COL1A2: variants seen among roughly 807,000 people sequenced by gnomAD.
COL1A2 encodes the protein collagen type I alpha 2 chain.
A neutral mutation model predicts 174.3 loss-of-function variants in COL1A2; 49 were observed. That is an observed-to-expected ratio of 0.28 (90% CI 0.22 to 0.36). COL1A2 has a LOEUF of 0.36. Ranked by LOEUF, COL1A2 falls within the 10% of genes least tolerant of loss-of-function variation. COL1A2 has a pLI of 1.00. For missense variants in COL1A2, 1,438 were observed against 1,822.7 expected (o/e 0.79, Z 3.84); for synonymous variants, 655 against 606.6 (o/e 1.08, Z -1.17).
rs888892254 is a variant in COL1A2 at position 94,429,116 on chromosome 7, T to C, written c.3712-72T>C. 1.9e-5 allele frequency: 23 copies of C among 1,220,544 alleles called. No individual in the cohort carries two copies. The African/African-American group carries it at 2.7e-4, about 15-fold the overall frequency. 75.6% of individuals were successfully genotyped at this position (1,220,544 alleles called of 1,614,324 possible). On this transcript the variant is annotated intron_variant, in intron 50 of 51. Transcript: ENST00000297268. ...CTGAGATCTTTTTTTTTCTTTTTTT[T>C]TTTTTTCATGTTTGACTCTTAGTAT...
Position 94,430,282 on chromosome 7 carries a change from A to C in COL1A2, c.3990A>C (p.Glu1330Asp). ...KTNEWGKTII[E>D]YKTNKPSRLP... ...ATGAATGGGGAAAGACAATCATTGA[A>C]TACAAAACAAATAAGCCATCACGCC... The change falls in exon 52 of 52, where the codon GAA (glutamate) becomes GAC (aspartate). Residue 1330 changes from glutamate (E) to aspartate (D), a missense_variant. This residue lies in a region of COL1A2 where 290 missense variants were observed against 298.1 expected (regional missense o/e 0.97). Transcript: ENST00000297268. 6.2e-7 allele frequency: 1 copy of C among 1,614,112 alleles called. No homozygotes were observed. Among genetic ancestry groups the C allele is most frequent in the East Asian group, 2.2e-5 (1 of 44,876 alleles).
rs1232059739 is a variant in COL1A2, at chr7:94,430,029, GT to G, written c.3955-215del. 8 of 561,342 alleles carry G rather than the reference GT, an allele frequency of 1.4e-5. No homozygotes were observed. The Admixed American group carries it at 1.8e-4, about 13-fold the overall frequency. 34.8% of individuals were successfully genotyped at this position (561,342 alleles called of 1,614,324 possible). On this transcript the variant is annotated intron_variant, in intron 51 of 51. Transcript: ENST00000297268. ...TGTTGAAATGTTGTTGGTTTTTTTG[GT>G]TTGTTTGTTTGTTTGTTTTTTGTTA... is the stretch of plus-strand genomic sequence containing the variant.
In COL1A2 at chr7:94,420,431, T is replaced by G. The variant is rs1180011225; in HGVS notation, c.2174T>G (p.Phe725Cys). The change falls in exon 36 of 52, where the codon TTT (phenylalanine) becomes TGT (cysteine). Residue 725 changes from phenylalanine (F) to cysteine (C), a missense_variant. Around this residue, in one of 3 missense-constraint regions of COL1A2, gnomAD observed 867 missense variants for 1,213.7 expected, o/e 0.71. Coordinates refer to ENST00000297268, the MANE Select transcript of COL1A2 (RefSeq NM_000089.4). ...GEVGPAGPNGFAGPAGAAGQP... is the reference protein window; with the variant it reads ...GEVGPAGPNGCAGPAGAAGQP... The stretch of plus-strand genomic sequence containing the variant: ...GTCGGTCCTGCTGGCCCCAATGGAT[T>G]TGCTGGTCCTGCTGTGAGTATCACA... 6.2e-7 allele frequency: 1 copy of G among 1,614,058 alleles called. No homozygotes were observed. Among genetic ancestry groups the G allele is most frequent in the Admixed American group, 1.7e-5 (1 of 60,016 alleles).
intron 16 of COL1A2, 83 bp from the exon 17 acceptor site, chr7:94,409,239 T>TGTC: frequency 1.7e-6 from 2 of 1,202,674 alleles, no homozygotes; most frequent in Non-Finnish European, 2.5e-6. Context: ...TATGAAGACA[T>TGTC]TTCATAAAAC....
In COL1A2 at chr7:94,430,607, ATT is replaced by A. The variant is rs575420078; in HGVS notation, c.*222_*223del. ...TTCCCCCGCTCCCCCAAAAATTTGA[ATT>A]TTTTTTTCAACACTCTTACACCTGT... On this transcript the variant is annotated 3_prime_UTR_variant, in exon 52 of 52. Coordinates refer to ENST00000297268, the MANE Select transcript of COL1A2 (RefSeq NM_000089.4). 9 of 565,634 alleles carry A rather than the reference ATT, an allele frequency of 1.6e-5. No homozygotes were observed. The African/African-American group carries it at 1.7e-4, about 11-fold the overall frequency. The allele number at this position is 565,634 out of a possible 1,614,324, so 35.0% of individuals were successfully genotyped here.
Position 94,414,290 on chromosome 7 carries a change from TA to T in COL1A2, c.1719+17del. ...CAGGAGAAAGGGTGAGTAAAACAAGTAATAGTAAGTAGTAACTACTAAACTT... is the reference window on the plus strand; with the variant it reads ...CAGGAGAAAGGGTGAGTAAAACAAGTATAGTAAGTAGTAACTACTAAACTT... On this transcript the variant is annotated intron_variant, in intron 29 of 51. Coordinates refer to ENST00000297268, the MANE Select transcript of COL1A2 (RefSeq NM_000089.4). The T allele has an allele frequency of 6.2e-7, 1 of 1,611,888 alleles. No homozygotes were observed. Among genetic ancestry groups the T allele is most frequent in the Non-Finnish European group, 8.5e-7 (1 of 1,177,994 alleles).
chr7:94,429,109 T>TG, intron 50 of COL1A2, 79 bp from the exon 51 acceptor site: 1 of 396,848 alleles, frequency 2.5e-6, no homozygotes, highest in African/African-American at 4.1e-5. Context: ...TTTTTTTTTC[T>TG]TTTTTTTTTT....
chr7:94,410,949 T>C lies in COL1A2; in HGVS notation c.1251+7T>C, dbSNP rs1355076370. The C allele has an allele frequency of 6.2e-7, 1 of 1,613,976 alleles. No individual in the cohort carries two copies. Among genetic ancestry groups the C allele is most frequent in the Admixed American group, 1.7e-5 (1 of 60,020 alleles). On this transcript the variant is annotated splice_region_variant and intron_variant, in intron 22 of 51. Coordinates refer to ENST00000297268, the MANE Select transcript of COL1A2 (RefSeq NM_000089.4). ...TGGCAGAGCTGGCGTCATGGTAAGC[T>C]GTCTATCACTTACTTCCTAGAAAGG...
chr7:94,404,712 G>A lies in COL1A2; in HGVS notation c.344G>A (p.Gly115Glu). 1 of 1,614,086 alleles carries A rather than the reference G, an allele frequency of 6.2e-7. No homozygotes were observed. Among genetic ancestry groups the A allele is most frequent in the Non-Finnish European group, 8.5e-7 (1 of 1,180,006 alleles). Residue 115 changes from glycine to glutamate, a missense_variant, in exon 8 of 52, where the codon GGA (glycine) becomes GAA (glutamate). By Grantham distance (98) the Gly-to-Glu change is moderately conservative (BLOSUM62 -2). Transcript: ENST00000297268. ...AGAPGPQGFQ[G>E]PAGEPGEPGQ... ...TTTTAGGGCCCTCAAGGTTTCCAAG[G>A]ACCTGCTGGTGAGCCTGGTGAACCT...
chr7:94,408,136 T>C, intron 13 of COL1A2, 47 bp from the exon 14 acceptor site: 1 of 1,599,400 alleles, frequency 6.3e-7, no homozygotes, highest in Non-Finnish European at 8.6e-7. Flanking sequence ...CTGTGACTTT[T>C]TTTAAATTAG....
chr7:94,396,235 A>G (rs1791579874), intron 1 of COL1A2, among the ~76,000 whole-genome samples: 1 of 152,066 alleles, frequency 6.6e-6, no homozygotes, highest in Non-Finnish European at 1.5e-5. Context: ...TTGTCTGACC[A>G]CACCCAGTAC....
At position 94,394,955 on chromosome 7, in the gene COL1A2, G is replaced by C; in HGVS notation, c.-77G>C. ...AGGTACTGGCCACGACTGCATGCCCGCGCCCGCCAGGTGATACCTCCGCCG... is the reference window on the plus strand; with the variant it reads ...AGGTACTGGCCACGACTGCATGCCCCCGCCCGCCAGGTGATACCTCCGCCG... On this transcript the variant is annotated 5_prime_UTR_variant, in exon 1 of 52. Transcript: ENST00000297268. 7.6e-7 allele frequency: 1 copy of C among 1,309,684 alleles called. No individual in the cohort carries two copies. Among genetic ancestry groups the C allele is most frequent in the East Asian group, 2.3e-5 (1 of 43,430 alleles). The allele number at this position is 1,309,684 out of a possible 1,614,324, so 81.1% of individuals were successfully genotyped here.
At position 94,426,806 on chromosome 7, in the gene COL1A2, A is replaced by G. The variant is rs546549892; in HGVS notation, c.3106-202A>G. ...ATAAACATAATTAGAGGAATGACTAATATTGCACTGCTGAAATAGGTTGTG... is the reference window on the plus strand; with the variant it reads ...ATAAACATAATTAGAGGAATGACTAGTATTGCACTGCTGAAATAGGTTGTG... On this transcript the variant is annotated intron_variant, in intron 46 of 51. Coordinates refer to ENST00000297268, the MANE Select transcript of COL1A2 (RefSeq NM_000089.4). 16 of 633,964 alleles carry G rather than the reference A, an allele frequency of 2.5e-5. No homozygotes were observed. In the East Asian group the frequency reaches 3.8e-4, roughly 15 times the overall value. The allele number at this position is 633,964 out of a possible 1,614,324, so 39.3% of individuals were successfully genotyped here.
intron 1 of COL1A2, among the ~76,000 whole-genome samples, chr7:94,395,885 T>C (rs1289504965): frequency 6.6e-6 from 1 of 152,152 alleles, no homozygotes; most frequent in Non-Finnish European, 1.5e-5. Flanking sequence ...CTGCTCTAAA[T>C]TTTGTTTGAG....
chr7:94,418,399 T>C lies in COL1A2; in HGVS notation c.1972-100T>C, dbSNP rs573033958. 14 of 874,096 alleles carry C rather than the reference T, an allele frequency of 1.6e-5. No individual in the cohort carries two copies. In the South Asian group the frequency reaches 1.8e-4, roughly 11 times the overall value. The allele number at this position is 874,096 out of a possible 1,614,324, so 54.1% of individuals were successfully genotyped here. A position where few individuals can be genotyped will look rare whatever the true frequency, so the allele number is the denominator to read the frequency against. On this transcript the variant is annotated intron_variant, in intron 32 of 51. Coordinates refer to ENST00000297268, the MANE Select transcript of COL1A2 (RefSeq NM_000089.4). ...GCTAAAAATCTTAAATGACTGAAGG[T>C]ATCATAGCATCTTCTGTAAAAAAGA...
At chr7:94,412,154 A>G in intron 24 of COL1A2, 33 bp downstream of exon 24, 1 of 1,585,764 alleles carries the variant, frequency 6.3e-7, no homozygotes, top group Non-Finnish European at 8.6e-7. Flanking sequence ...TATATTTTCA[A>G]GGACACTTAT....
At position 94,422,945 on chromosome 7, in the gene COL1A2, A is replaced by C. The variant is rs1314390601; in HGVS notation, c.2404-12A>C. ...TAACAGAAAGGAAATGACCTTGTACATTTGCTCATAGGGTATTTCTGGCCC... is the reference window on the plus strand; with the variant it reads ...TAACAGAAAGGAAATGACCTTGTACCTTTGCTCATAGGGTATTTCTGGCCC... On this transcript the variant is annotated splice_polypyrimidine_tract_variant and intron_variant, in intron 39 of 51. Transcript: ENST00000297268. 2.5e-6 allele frequency: 4 copies of C among 1,614,080 alleles called. No individual in the cohort carries two copies. In the African/African-American group the frequency reaches 4.0e-5, roughly 16 times the overall value.
intron 32 of COL1A2, among the ~76,000 whole-genome samples, chr7:94,418,207 T>A (rs41317177): frequency 2.3e-4 from 35 of 152,230 alleles, no homozygotes; most frequent in Non-Finnish European, 4.7e-4. Context: ...GATGTTGCCT[T>A]ACAATTCTGT....
At position 94,413,710 on chromosome 7, in the gene COL1A2, A is replaced by C. The variant is rs1791980291; in HGVS notation, c.1578A>C (p.Gly526=). Residue 526 remains glycine (G), a synonymous_variant, in exon 27 of 52, where the codon GGA becomes GGC. Coordinates refer to ENST00000297268, the MANE Select transcript of COL1A2 (RefSeq NM_000089.4). The part of the protein sequence containing the change: ...AGARGAPGPD[G]NNGAQGPPGP... ...TTTAGGGTGCTCCAGGTCCTGATGGAAACAATGGTGCTCAGGGACCTCCTG... is the reference window on the plus strand; with the variant it reads ...TTTAGGGTGCTCCAGGTCCTGATGGCAACAATGGTGCTCAGGGACCTCCTG... 1.9e-6 allele frequency: 3 copies of C among 1,614,088 alleles called. No individual in the cohort carries two copies. Among genetic ancestry groups the C allele is most frequent in the Admixed American group, 1.7e-5 (1 of 60,004 alleles).
Sources: gnomAD v4.1 joint callset for allele counts (sites outside exome capture counted in the v4.1 genomes callset) on GRCh38, gnomAD v4.1.1 for gene constraint, gnomAD v4.1.1 regional missense constraint, MANE v1.5 for transcripts, NCBI Gene and HGNC (gene_info 2026-07-23, HGNC 2026-07-21) for gene names.